The following MGAT4C variants were observed in gnomAD, a reference collection of about 807,000 sequenced individuals.
MGAT4C encodes the protein alpha-1,3-mannosyl-glycoprotein 4-beta-N-acetylglucosaminyltransferase C.
A neutral mutation model predicts 40.1 loss-of-function variants in MGAT4C; 19 were observed. The observed-to-expected ratio is 0.47, with a 90% CI of 0.33 to 0.70. The LOEUF (loss-of-function observed/expected upper bound fraction) is 0.70. MGAT4C is among the 30% of genes least tolerant of loss of function. The pLI is 0.02. For synonymous variants in MGAT4C, 181 were observed against 187.1 expected, an observed-to-expected ratio of 0.97 and a Z score of 0.27; for missense variants, 491 against 563.2, an observed-to-expected ratio of 0.87 and a Z score of 1.30.
chr12:86,103,664 A>G (rs766671788), intron 1 of MGAT4C, among the ~76,000 whole-genome samples: 1 of 152,072 alleles, frequency 6.6e-6, no homozygotes, highest in Non-Finnish European at 1.5e-5. Context: ...CTAAACTAAT[A>G]TACCCTTGTG....
intron 1 of MGAT4C, among the ~76,000 whole-genome samples, chr12:86,189,877 C>T (rs1396987884): frequency 1.3e-5 from 2 of 152,048 alleles, no homozygotes; most frequent in East Asian, 3.9e-4. Context: ...GGCAGCAAAT[C>T]ATGTTCCTTT....
At chr12:86,243,376 C>G (rs1011793495) in intron 1 of MGAT4C, among the ~76,000 whole-genome samples, 1 of 152,220 alleles carries the variant, frequency 6.6e-6, no homozygotes, top group East Asian at 1.9e-4. Flanking sequence ...CTGTGGTAGA[C>G]ACACCCTGAG....
intron 2 of MGAT4C, among the ~76,000 whole-genome samples, chr12:86,722,336 C>T (rs767246059): frequency 1.3e-5 from 2 of 152,178 alleles, no homozygotes; most frequent in Non-Finnish European, 2.9e-5. Flanking sequence ...AGTGTCCTTA[C>T]AGCAGTTAAA....
At chr12:86,802,846 A>G (rs1159266975) in intron 1 of MGAT4C, among the ~76,000 whole-genome samples, 1 of 143,310 alleles carries the variant, frequency 7.0e-6, no homozygotes, top group East Asian at 2.0e-4. Context: ...TGCCCAAGGT[A>G]ATTTACAGAT....
intron 1 of MGAT4C, among the ~76,000 whole-genome samples, chr12:86,239,950 G>T (rs1264145371): frequency 6.7e-6 from 1 of 149,560 alleles, no homozygotes; most frequent in Non-Finnish European, 1.5e-5. Context: ...TGGGTGCAGC[G>T]CACCAGCATG....
At chr12:86,093,515 G>T (rs1227246717) in intron 1 of MGAT4C, among the ~76,000 whole-genome samples, 1 of 152,052 alleles carries the variant, frequency 6.6e-6, no homozygotes, top group Non-Finnish European at 1.5e-5. Flanking sequence ...GATCACCTGA[G>T]CTCAGGAGTT....
chr12:86,831,719 G>A (rs932634445), intron 1 of MGAT4C, among the ~76,000 whole-genome samples: 1 of 151,680 alleles, frequency 6.6e-6, no homozygotes, highest in South Asian at 2.1e-4. Context: ...TAAGATGATA[G>A]GGCCTAATAA....
intron 2 of MGAT4C, among the ~76,000 whole-genome samples, chr12:86,469,381 G>T (rs1322482821): frequency 6.6e-6 from 1 of 152,070 alleles, no homozygotes; most frequent in Non-Finnish European, 1.5e-5. Flanking sequence ...CTTCTGTCTT[G>T]CTAGTCTCAT....
intron 2 of MGAT4C, among the ~76,000 whole-genome samples, chr12:86,441,626 CTGAGAATGA>C (rs1272850530): frequency 3.3e-5 from 5 of 151,492 alleles, no homozygotes; most frequent in African/African-American, 9.7e-5. Flanking sequence ...CAACAGTTTG[CTGAGAATGA>C]TGGTTTCCAG....
chr12:86,532,237 G>A (rs1011917295), intron 2 of MGAT4C, among the ~76,000 whole-genome samples: 4 of 151,928 alleles, frequency 2.6e-5, no homozygotes, highest in African/African-American at 9.7e-5. Context: ...TAGACAATCT[G>A]TGGATTCATA....
chr12:86,499,854 G>A (rs1481978340), intron 2 of MGAT4C, among the ~76,000 whole-genome samples: 1 of 151,936 alleles, frequency 6.6e-6, no homozygotes, highest in African/African-American at 2.4e-5. Context: ...GATTGTATCA[G>A]AGAGTATATA....
intron 2 of MGAT4C, among the ~76,000 whole-genome samples, chr12:86,618,910 T>G (rs1391254484): frequency 6.6e-6 from 1 of 152,086 alleles, no homozygotes; most frequent in Non-Finnish European, 1.5e-5. Flanking sequence ...TTTCTATGCA[T>G]GTACCAAAAT....
rs71076198 is a variant in MGAT4C, at chr12:86,408,479, C to CTATA, written c.-120+26674_-120+26677dup. On this transcript the variant is annotated intron_variant, in intron 3 of 7. Transcript: ENST00000548651. Reference sequence around the variant, plus strand: ...TCTCTCTCTCTCTCTCTCTCTCTCTCTATATATATATATATATATATATAT... The same window carrying CTATA: ...TCTCTCTCTCTCTCTCTCTCTCTCTCTATATATATATATATATATATATATATAT... Among the ~76,000 whole-genome samples the CTATA allele has an allele frequency of 4.1e-3, 257 of 63,306 alleles. 3 individuals carry two copies. The highest frequency in any genetic ancestry group is 5.0e-3 in the African/African-American group (64 of 12,760). The allele number at this position is 63,306 out of a possible 152,430, so 41.5% of individuals were successfully genotyped here.
intron 1 of MGAT4C, among the ~76,000 whole-genome samples, chr12:86,134,878 G>C (rs1269141519): frequency 6.6e-6 from 1 of 152,014 alleles, no homozygotes; most frequent in Non-Finnish European, 1.5e-5. Flanking sequence ...TTAATAACAG[G>C]CTTGCCTACA....
At chr12:86,009,277 A>C (rs1315032007) in intron 2 of MGAT4C, among the ~76,000 whole-genome samples, 1 of 152,206 alleles carries the variant, frequency 6.6e-6, no homozygotes, top group East Asian at 1.9e-4. Context: ...TGCGTTCCAG[A>C]AGACATTGCA....
At chr12:86,299,862 C>T (rs1953768197) in intron 4 of MGAT4C, among the ~76,000 whole-genome samples, 1 of 151,950 alleles carries the variant, frequency 6.6e-6, no homozygotes, top group African/African-American at 2.4e-5. Flanking sequence ...TCCCATTTAC[C>T]TAAGTAATAA....
chr12:86,374,183 T>C (rs1443057826), intron 3 of MGAT4C, among the ~76,000 whole-genome samples: 3 of 152,090 alleles, frequency 2.0e-5, no homozygotes, highest in Admixed American at 6.6e-5. Context: ...AGTGCAAGTA[T>C]CATCAGTGTG....
rs1884360628 is a variant in MGAT4C, at chr12:85,979,955, A to G, written c.771T>C (p.Leu257=). 1.9e-6 allele frequency: 3 copies of G among 1,613,854 alleles called. No individual in the cohort carries two copies. The highest frequency in any genetic ancestry group is 2.5e-6 in the Non-Finnish European group (3 of 1,179,872). ...AATGATAGAGTTTACCAATGTAGCC[A>G]AGCTTAGAGAATTCAAGAGTTACCC... is the stretch of plus-strand genomic sequence containing the variant. ...TYWVTLEFSK[L]GYIGKLYHSH... Residue 257 remains leucine (L), a synonymous_variant, in exon 5 of 5, where the codon CTT becomes CTC. Coordinates refer to ENST00000611864, the MANE Select transcript of MGAT4C (RefSeq NM_001351288.2).
At chr12:86,393,852 A>G (rs1210533413) in intron 3 of MGAT4C, among the ~76,000 whole-genome samples, 3 of 152,148 alleles carry the variant, frequency 2.0e-5, no homozygotes, top group African/African-American at 4.8e-5. Context: ...CAAAATGTCA[A>G]TGCTGCTAGT....
Sources: allele counts gnomAD v4.1 joint callset (sites outside exome capture counted in the v4.1 genomes callset), GRCh38; gene constraint gnomAD v4.1.1; transcripts MANE v1.5; gene names NCBI Gene and HGNC (gene_info 2026-07-23, HGNC 2026-07-21).